Variants in EXOC5 observed in about 807,000 individuals in gnomAD.
EXOC5 encodes exocyst complex component 5.
Under a neutral mutation model 90.8 loss-of-function variants are expected in EXOC5, and 17 were observed. The ratio of observed to expected loss-of-function variants is 0.19; its 90% CI spans 0.13 to 0.28. The LOEUF is 0.28. Among genes scored for constraint, EXOC5 ranks in the 10% least tolerant of loss-of-function variants. EXOC5 has a pLI of 1.00. For missense variants in EXOC5, 569 were observed against 830.6 expected, an observed-to-expected ratio of 0.69 and a Z score of 3.87; for synonymous variants, 260 against 270.0, an observed-to-expected ratio of 0.96 and a Z score of 0.36.
chr14:57,254,913 T>C (rs1023534541), intron 1 of EXOC5, among the ~76,000 whole-genome samples: 6 of 152,158 alleles, frequency 3.9e-5, no homozygotes, highest in East Asian at 3.9e-4. Context: ...GAGAAATAAA[T>C]TTCTGTTGTT....
chr14:57,254,219 G>A (rs1160571821), intron 1 of EXOC5, among the ~76,000 whole-genome samples: 1 of 152,120 alleles, frequency 6.6e-6, no homozygotes, highest in Non-Finnish European at 1.5e-5. Flanking sequence ...CAGATCTCTT[G>A]AGGTCAGGAG....
chr14:57,265,264 G>A (rs189454541), intron 1 of EXOC5, among the ~76,000 whole-genome samples: 66 of 151,852 alleles, frequency 4.3e-4, no homozygotes, highest in African/African-American at 1.5e-3. Flanking sequence ...TCTGTAGAAT[G>A]AATGAATAAT....
intron 1 of EXOC5, among the ~76,000 whole-genome samples, chr14:57,267,344 A>G (rs893821420): frequency 4.6e-5 from 7 of 152,210 alleles, no homozygotes; most frequent in Non-Finnish European, 7.3e-5. Flanking sequence ...ACAATAACAT[A>G]TATTACTCCT....
In EXOC5 at chr14:57,237,465, C is replaced by A. The variant is rs752506064; in HGVS notation, c.531-99G>T. On this transcript the variant is annotated intron_variant, in intron 5 of 17. Coordinates refer to ENST00000621441, the MANE Select transcript of EXOC5 (RefSeq NM_006544.4). The stretch of plus-strand genomic sequence containing the variant: ...AATGGGAAACTGGGTGCAGGAGATA[C>A]GAGAACCATCTGTACTATCTTTGCA... The A allele has an allele frequency of 1.1e-5, 8 of 710,352 alleles. No individual in the cohort carries two copies. In the South Asian group the frequency reaches 1.4e-4, roughly 12 times the overall value. 44.0% of individuals were successfully genotyped at this position (710,352 alleles called of 1,614,324 possible). A position where few individuals can be genotyped will look rare whatever the true frequency, so the allele number is the denominator to read the frequency against.
chr14:57,237,348 G>T lies in EXOC5; in HGVS notation c.549C>A (p.Ser183=). 6.6e-7 allele frequency: 1 copy of T among 1,508,970 alleles called. No individual in the cohort carries two copies. The highest frequency in any genetic ancestry group is 9.0e-7 in the Non-Finnish European group (1 of 1,109,976). The allele number at this position is 1,508,970 out of a possible 1,614,324, so 93.5% of individuals were successfully genotyped here. A position where few individuals can be genotyped will look rare whatever the true frequency, so the allele number is the denominator to read the frequency against. ...AAATACATCACTTACTTGCAATTTTGGATTTAACTTCTGAAAATCTGAAAG... is the reference window on the plus strand; with the variant it reads ...AAATACATCACTTACTTGCAATTTTTGATTTAACTTCTGAAAATCTGAAAG... ...LPFDRFSEVK[S]KIASKYHDLE... is the part of the protein sequence containing the mutation. The change falls in exon 6 of 18, where the codon TCC becomes TCA. Residue 183 remains serine, a synonymous_variant. Transcript: ENST00000621441.
Position 57,202,196 on chromosome 14 carries a change from A to G in EXOC5, c.*6413T>C, listed in dbSNP as rs1285928085. 1.3e-5 allele frequency: 2 copies of G among 152,158 alleles called. No homozygotes were observed. Among genetic ancestry groups the G allele is most frequent in the African/African-American group, 2.4e-5 (1 of 41,444 alleles). The allele number at this position is 152,158 out of a possible 1,614,324, so 9.4% of individuals were successfully genotyped here. On this transcript the variant is annotated 3_prime_UTR_variant, in exon 18 of 18. Transcript: ENST00000621441. ...TTACAAAGTAACTACCCTATAATCT[A>G]TAAAAATGTCCAGAGTCAAAAAAGT...
rs879297362 is a variant in EXOC5, at chr14:57,200,595, T to A, written c.*8014A>T. ...GTTTCCATTCATACAGTTTCTCTGA[T>A]GCACTCTTATTAAATAGCAATTACA... On this transcript the variant is annotated 3_prime_UTR_variant, in exon 18 of 18. Transcript: ENST00000621441. 2.0e-5 allele frequency: 3 copies of A among 152,164 alleles called. No individual in the cohort carries two copies. The highest frequency in any genetic ancestry group is 6.5e-5 in the Admixed American group (1 of 15,274). The allele number at this position is 152,164 out of a possible 1,614,324, so 9.4% of individuals were successfully genotyped here. A position where few individuals can be genotyped will look rare whatever the true frequency, so the allele number is the denominator to read the frequency against.
At chr14:57,260,753 G>C (rs1884480122) in intron 1 of EXOC5, among the ~76,000 whole-genome samples, 1 of 152,078 alleles carries the variant, frequency 6.6e-6, no homozygotes, top group Non-Finnish European at 1.5e-5. Flanking sequence ...AAGAAACTGA[G>C]GAAATGAAAT....
intron 1 of EXOC5, among the ~76,000 whole-genome samples, chr14:57,263,301 T>C (rs943862068): frequency 6.6e-6 from 1 of 151,738 alleles, no homozygotes; most frequent in African/African-American, 2.4e-5. Context: ...TGAGACCCCG[T>C]CCCTACAAAA....
chr14:57,267,796 T>G (rs549831583), intron 1 of EXOC5, among the ~76,000 whole-genome samples: 1 of 152,334 alleles, frequency 6.6e-6, no homozygotes, highest in Admixed American at 6.5e-5. Flanking sequence ...GGAAAGACAT[T>G]AGTATTCTCA....
chr14:57,256,135 T>C lies in EXOC5; in HGVS notation c.28-8423A>G, dbSNP rs568082566. ...ACTGCCTGGTCATATTGTCTCTTTA[T>C]ATCTAGGGAATAAGAAGAGGAGTGA... On this transcript the variant is annotated intron_variant, in intron 1 of 17. Transcript: ENST00000621441. 2.0e-5 allele frequency among the ~76,000 whole-genome samples: 3 copies of C among 152,270 alleles called. No individual in the cohort carries two copies. In the East Asian group the frequency reaches 5.8e-4, roughly 29 times the overall value.
chr14:57,263,265 G>A (rs2139673020), intron 1 of EXOC5, among the ~76,000 whole-genome samples: 1 of 152,234 alleles, frequency 6.6e-6, no homozygotes, highest in African/African-American at 2.4e-5. Flanking sequence ...GTGTCCTGGA[G>A]TTGGAGACTA....
intron 9 of EXOC5, among the ~76,000 whole-genome samples, chr14:57,233,541 A>T (rs775827445): frequency 2.6e-4 from 40 of 152,282 alleles, no homozygotes; most frequent in Non-Finnish European, 4.4e-4. Context: ...ATGTTCTCTG[A>T]TGATACTTAT....
intron 14 of EXOC5, among the ~76,000 whole-genome samples, chr14:57,219,020 G>A (rs2139617951): frequency 6.6e-6 from 1 of 152,048 alleles, no homozygotes. Flanking sequence ...AATTTGCTGA[G>A]TTTCACTAAG....
rs1387061797 is a variant in EXOC5 at position 57,205,908 on chromosome 14, G to A, written c.*2701C>T. ...CCAAAAATTGTCCTGGAATGGTCAGGTGGTCATCCATCTAAAGATCCATCC... is the reference window on the plus strand; with the variant it reads ...CCAAAAATTGTCCTGGAATGGTCAGATGGTCATCCATCTAAAGATCCATCC... On this transcript the variant is annotated 3_prime_UTR_variant, in exon 18 of 18. Coordinates refer to ENST00000621441, the MANE Select transcript of EXOC5 (RefSeq NM_006544.4). 1 of 441,670 alleles carries A rather than the reference G, an allele frequency of 2.3e-6. No individual in the cohort carries two copies. The highest frequency in any genetic ancestry group is 4.6e-6 in the Non-Finnish European group (1 of 217,850). The allele number at this position is 441,670 out of a possible 1,614,324, so 27.4% of individuals were successfully genotyped here.
At position 57,236,475 on chromosome 14, in the gene EXOC5, G is replaced by A. The variant is rs191964009; in HGVS notation, c.560-655C>T. Among the ~76,000 whole-genome samples the A allele has an allele frequency of 7.3e-3, 1,102 of 151,546 alleles. 8 individuals are homozygous for A. Among genetic ancestry groups the A allele is most frequent in the Non-Finnish European group, 0.011 (739 of 67,866 alleles). On this transcript the variant is annotated intron_variant, in intron 6 of 17. Transcript: ENST00000621441. The stretch of plus-strand genomic sequence containing the variant: ...TAATTTTTGTATTTTTAATAGAGAC[G>A]GGGTTTCACTATGTTGGCCAAGCTG...
intron 1 of EXOC5, among the ~76,000 whole-genome samples, chr14:57,263,740 A>T (rs1025150341): frequency 8.2e-6 from 1 of 121,322 alleles, no homozygotes; most frequent in African/African-American, 3.6e-5. Flanking sequence ...ACTCCAGCCT[A>T]AAAAAAAAAA....
At chr14:57,261,300 ACTAT>A (rs1884497639) in intron 1 of EXOC5, among the ~76,000 whole-genome samples, 1 of 152,208 alleles carries the variant, frequency 6.6e-6, no homozygotes, top group African/African-American at 2.4e-5. Flanking sequence ...ACACACCTCA[ACTAT>A]CTAATTTCCT....
intron 11 of EXOC5, among the ~76,000 whole-genome samples, chr14:57,230,802 A>G (rs1029899785): frequency 6.6e-6 from 1 of 152,098 alleles, no homozygotes; most frequent in African/African-American, 2.4e-5. Flanking sequence ...AAAACTCATC[A>G]ATTCAAGGTA....
Sources: allele counts gnomAD v4.1 joint callset (sites outside exome capture counted in the v4.1 genomes callset), GRCh38; gene constraint gnomAD v4.1.1; transcripts MANE v1.5; gene names NCBI Gene and HGNC (gene_info 2026-07-23, HGNC 2026-07-21).